Variants in MYH3 observed in about 807,000 individuals in gnomAD.
MYH3 encodes the protein myosin heavy chain 3.
In MYH3, 130 loss-of-function variants were observed where a neutral mutation model predicts 238.0. That is an observed-to-expected ratio of 0.55 (90% CI 0.47 to 0.63). The LOEUF (loss-of-function observed/expected upper bound fraction) is 0.63, where lower values mean the gene tolerates loss of function less well. Ranked by LOEUF, MYH3 falls within the 30% of genes least tolerant of loss-of-function variation. The pLI, the probability that MYH3 is intolerant of heterozygous loss-of-function variation, is 0.00. For synonymous variants in MYH3, 880 were observed against 924.1 expected, an observed-to-expected ratio of 0.95 and a Z score of 0.86; for missense variants, 1,853 against 2,374.9, an observed-to-expected ratio of 0.78 and a Z score of 4.57.
At chr17:10,640,724 C>A in intron 19 of MYH3, 38 bp from the exon 20 acceptor site, 3 of 1,608,396 alleles carry the variant, frequency 1.9e-6, no homozygotes, top group Non-Finnish European at 2.5e-6. Flanking sequence ...AGACTGTTGG[C>A]AAAGACACAA....
At chr17:10,672,508 T>C in the MYH3 span, 1 of 152,180 alleles carries the variant, frequency 6.6e-6, no homozygotes, top group Non-Finnish European at 1.5e-5. Context: ...GGTATGTATA[T>C]TACAATTCAC....
intron 6 of MYH3, 143 bp downstream of exon 6, chr17:10,650,231 C>G: frequency 1.3e-6 from 1 of 744,006 alleles, no homozygotes; most frequent in Non-Finnish European, 2.3e-6. Flanking sequence ...CCATCTCAGC[C>G]TACCAAAGTG....
rs200964415 is a variant in MYH3, at chr17:10,635,430, G to A, written c.4109C>T (p.Ala1370Val). Reference sequence around the variant, plus strand: ...CGTCTCGTATTTGGTTCTCCACTGGGCAACCTCACTATTGGCCTTGGACAG... The same window carrying A: ...CGTCTCGTATTTGGTTCTCCACTGGACAACCTCACTATTGGCCTTGGACAG... ...RALSKANSEVAQWRTKYETDA... is the reference protein window; with the variant it reads ...RALSKANSEVVQWRTKYETDA... The change falls in exon 30 of 41, where the codon GCC (alanine) becomes GTC (valine). Residue 1370 changes from alanine to valine, a missense_variant. By Grantham distance (64) the Ala-to-Val change is moderately conservative. Around this residue, in one of 3 missense-constraint regions of MYH3, gnomAD observed 1,044 missense variants for 1,192.6 expected, o/e 0.88. Coordinates refer to ENST00000583535, the MANE Select transcript of MYH3 (RefSeq NM_002470.4). 1.3e-4 allele frequency: 206 copies of A among 1,613,956 alleles called. No individual in the cohort carries two copies. Among genetic ancestry groups the A allele is most frequent in the Middle Eastern group, 4.9e-4 (3 of 6,080 alleles).
At chr17:10,666,419 A>AAAAAAAAAAACTT in the MYH3 span, among the ~76,000 whole-genome samples, 22 of 136,784 alleles carry the variant, frequency 1.6e-4, 2 homozygotes, top group Admixed American at 2.1e-4. Flanking sequence ...GTCTCTACAA[A>AAAAAAAAAAACTT]AAAAAACCAG....
At chr17:10,636,698 G>A (rs921647459) in intron 28 of MYH3, among the ~76,000 whole-genome samples, 5 of 151,976 alleles carry the variant, frequency 3.3e-5, no homozygotes, top group African/African-American at 4.8e-5. Context: ...GGCGGATCAC[G>A]AGGTCAGGAG....
Position 10,644,456 on chromosome 17 carries a change from CTT to C in MYH3, c.1303_1304del (p.Lys435ValfsTer10), listed in dbSNP as rs1368195178. On this transcript the variant is annotated frameshift_variant, in exon 14 of 41. Coordinates refer to ENST00000583535, the MANE Select transcript of MYH3 (RefSeq NM_002470.4). LOFTEE classifies it high-confidence loss of function. ...VNALSKSVYE[K>X]LFLWMVTRIN... ...TGCGAGTGACCATCCACAAGAACAA[CTT>C]TTCATAAACTGATTTTGAAAGAGCA... 6.2e-7 allele frequency: 1 copy of C among 1,614,038 alleles called. No homozygotes were observed. The highest frequency in any genetic ancestry group is 2.2e-5 in the East Asian group (1 of 44,896).
intron 3 of MYH3, 62 bp from the exon 4 acceptor site, chr17:10,652,625 T>A: frequency 7.0e-7 from 1 of 1,419,888 alleles, no homozygotes; most frequent in Non-Finnish European, 9.5e-7. Context: ...TTTTTTTTTT[T>A]TTTTTTTTTT....
chr17:10,662,040 T>C (rs550265579), upstream of MYH3, among the ~76,000 whole-genome samples: 5 of 151,424 alleles, frequency 3.3e-5, no homozygotes, highest in Non-Finnish European at 7.4e-5. Flanking sequence ...TTTTTTTTTT[T>C]AGACAGGGTC....
At position 10,652,518 on chromosome 17, in the gene MYH3, TG is replaced by T; in HGVS notation, c.249del (p.Lys84SerfsTer11). On this transcript the variant is annotated frameshift_variant, in exon 4 of 41. Transcript: ENST00000583535. LOFTEE classifies it high-confidence loss of function. Reference sequence around the variant, plus strand: ...GCCATGTCTTCGATCCTGTCGAACTTGGGGGGGTTCATGGCGTACACATCCT... The same window carrying T: ...GCCATGTCTTCGATCCTGTCGAACTTGGGGGGTTCATGGCGTACACATCCT... ...KPEDVYAMNP[P>X]KFDRIEDMAM... The T allele has an allele frequency of 6.2e-7, 1 of 1,611,918 alleles. No individual in the cohort carries two copies. The highest frequency in any genetic ancestry group is 8.5e-7 in the Non-Finnish European group (1 of 1,179,216).
chr17:10,662,607 T>A, the MYH3 span, among the ~76,000 whole-genome samples: 1 of 152,214 alleles, frequency 6.6e-6, no homozygotes, highest in Non-Finnish European at 1.5e-5. Flanking sequence ...TAATTCTATA[T>A]CATGTCTTAG....
chr17:10,664,057 C>T, the MYH3 span, among the ~76,000 whole-genome samples: 7 of 103,966 alleles, frequency 6.7e-5, no homozygotes, highest in South Asian at 1.1e-3. Context: ...AGTGAGACTC[C>T]GTCTTAAAAA....
chr17:10,635,295 G>A lies in MYH3; in HGVS notation c.4172+72C>T, dbSNP rs547817126. On this transcript the variant is annotated intron_variant, in intron 30 of 40. Coordinates refer to ENST00000583535, the MANE Select transcript of MYH3 (RefSeq NM_002470.4). Reference sequence around the variant, plus strand: ...TTAAAGACACATGAGATGGGGAAACGCCTAGTAATAAAAATAAATTCATCG... The same window carrying A: ...TTAAAGACACATGAGATGGGGAAACACCTAGTAATAAAAATAAATTCATCG... 179 of 1,610,348 alleles carry A rather than the reference G, an allele frequency of 1.1e-4. No homozygotes were observed. The African/African-American group carries it at 1.9e-3, about 17-fold the overall frequency.
upstream of MYH3, among the ~76,000 whole-genome samples, chr17:10,658,346 A>G (rs955242738): frequency 6.6e-6 from 1 of 152,036 alleles, no homozygotes; most frequent in Non-Finnish European, 1.5e-5. Flanking sequence ...CATGTTTCCC[A>G]TAGAAACCGC....
chr17:10,662,028 CTTTT>C (rs113018125), upstream of MYH3, among the ~76,000 whole-genome samples: 1 of 140,784 alleles, frequency 7.1e-6, no homozygotes, highest in African/African-American at 2.6e-5. Context: ...TTCTTTCTTT[CTTTT>C]TTTTTTTTAG....
intron 12 of MYH3, among the ~76,000 whole-genome samples, chr17:10,644,961 G>A (rs1174471960): frequency 2.6e-5 from 4 of 152,108 alleles, no homozygotes; most frequent in Non-Finnish European, 1.5e-5. Context: ...CAGGAAAAGC[G>A]AGTGGTAACA....
In MYH3 at chr17:10,640,379, T is replaced by G. The variant is rs1166339817; in HGVS notation, c.2380A>C (p.Arg794=). 1 of 1,614,230 alleles carries G rather than the reference T, an allele frequency of 6.2e-7. No individual in the cohort carries two copies. The highest frequency in any genetic ancestry group is 1.1e-5 in the South Asian group (1 of 91,084). ...KLITRTQAVC[R]GFLMRVEFQK... ...AATTCCACACGCATGAGGAACCCTC[T>G]GCACACAGCTTGTGTCCGGGTGATT... Residue 794 remains arginine, a synonymous_variant, in exon 21 of 41, where the codon AGA becomes CGA. Transcript: ENST00000583535.
intron 28 of MYH3, among the ~76,000 whole-genome samples, chr17:10,636,184 G>A (rs1030213351): frequency 6.6e-6 from 1 of 151,286 alleles, no homozygotes; most frequent in Non-Finnish European, 1.5e-5. Flanking sequence ...AGCCGGGCGT[G>A]GTCATGGGCA....
intron 5 of MYH3, 150 bp from the exon 6 acceptor site, chr17:10,650,551 C>G (rs1266712721): frequency 3.0e-6 from 2 of 673,850 alleles, no homozygotes; most frequent in African/African-American, 3.7e-5. Flanking sequence ...TGAAGAGCCT[C>G]CATCTGCTTT....
chr17:10,675,036 TC>T, the MYH3 span: 1 of 152,330 alleles, frequency 6.6e-6, no homozygotes, highest in Non-Finnish European at 1.5e-5. Context: ...AGTGTCAGGG[TC>T]CCAGGGCCCT....
Sources: gnomAD v4.1 joint callset for allele counts (sites outside exome capture counted in the v4.1 genomes callset) on GRCh38, gnomAD v4.1.1 for gene constraint, gnomAD v4.1.1 regional missense constraint, MANE v1.5 for transcripts, NCBI Gene and HGNC (gene_info 2026-07-23, HGNC 2026-07-21) for gene names.